DEPTOR: variants seen among roughly 807,000 people sequenced by gnomAD.
The protein encoded by DEPTOR is DEP domain containing MTOR interacting protein.
Under a neutral mutation model 41.6 loss-of-function variants are expected in DEPTOR, and 41 were observed. The observed-to-expected ratio is 0.98, with a 90% CI of 0.77 to 1.28. The LOEUF (loss-of-function observed/expected upper bound fraction) is 1.28. DEPTOR is among the 50% of genes most tolerant of loss of function. The probability of loss-of-function intolerance (pLI) is 0.00; values close to 1 mark genes in which losing one functional copy is unlikely to be tolerated. For synonymous variants in DEPTOR, 195 were observed against 192.3 expected (o/e 1.01, Z -0.12); for missense variants, 514 against 527.9 (o/e 0.97, Z 0.26).
At chr8:119,974,638 G>A (rs1270858198) in intron 4 of DEPTOR, among the ~76,000 whole-genome samples, 1 of 152,118 alleles carries the variant, frequency 6.6e-6, no homozygotes, top group Non-Finnish European at 1.5e-5. Flanking sequence ...CAGGCTTGAT[G>A]GTGTGTGCCT....
rs185746386 is a variant in DEPTOR, at chr8:119,905,546, A to G, written c.123-22854A>G. Reference sequence around the variant, plus strand: ...TAGTCCTGTCGTCTAGTGGTTTTTGATGTTTCTGATGTTTCTGCTTGCCCA... The same window carrying G: ...TAGTCCTGTCGTCTAGTGGTTTTTGGTGTTTCTGATGTTTCTGCTTGCCCA... On this transcript the variant is annotated intron_variant, in intron 1 of 8. Transcript: ENST00000286234. 2.3e-3 allele frequency among the ~76,000 whole-genome samples: 342 copies of G among 151,812 alleles called. 3 individuals are homozygous for G. The highest frequency in any genetic ancestry group is 6.8e-3 in the African/African-American group (283 of 41,396).
rs371123299 is a variant in DEPTOR, at chr8:120,013,143, C to A, written c.1101+4010C>A. ...TTGCACTCCAGCCTGGGTGACAGAG[C>A]GAGACTGTCTCAAAAAGAAAAAAAA... On this transcript the variant is annotated intron_variant, in intron 8 of 8. Transcript: ENST00000286234. 5.9e-5 allele frequency among the ~76,000 whole-genome samples: 8 copies of A among 136,240 alleles called. No individual in the cohort carries two copies. In the South Asian group the frequency reaches 7.4e-4, roughly 13 times the overall value. The allele number at this position is 136,240 out of a possible 152,430, so 89.4% of individuals were successfully genotyped here. A position where few individuals can be genotyped will look rare whatever the true frequency, so the allele number is the denominator to read the frequency against.
At chr8:120,026,142 A>G (rs909843819) in intron 8 of DEPTOR, among the ~76,000 whole-genome samples, 25 of 151,614 alleles carry the variant, frequency 1.6e-4, no homozygotes, top group African/African-American at 5.6e-4. Flanking sequence ...ATGCACCACC[A>G]TGTCCGGCTA....
intron 3 of DEPTOR, among the ~76,000 whole-genome samples, chr8:119,954,845 GGTGTGTGT>G (rs10649943): frequency 2.7e-5 from 4 of 147,946 alleles, no homozygotes; most frequent in Non-Finnish European, 4.5e-5. Context: ...GGCAAATATT[GGTGTGTGT>G]GTGTGTGTGT....
intron 4 of DEPTOR, among the ~76,000 whole-genome samples, chr8:119,993,149 A>G (rs893509955): frequency 3.3e-5 from 5 of 152,326 alleles, no homozygotes; most frequent in Admixed American, 6.5e-5. Context: ...CGTTATCCCC[A>G]GAAAGAAGAA....
intron 4 of DEPTOR, among the ~76,000 whole-genome samples, chr8:119,972,614 C>T (rs1374826372): frequency 1.4e-5 from 2 of 141,380 alleles, no homozygotes; most frequent in African/African-American, 5.3e-5. Context: ...CAGAGTAAGA[C>T]TCTGTCTCAA....
chr8:119,965,778 T>C (rs55753719), intron 4 of DEPTOR, among the ~76,000 whole-genome samples: 2 of 152,122 alleles, frequency 1.3e-5, no homozygotes, highest in Non-Finnish European at 2.9e-5. Flanking sequence ...TAATATGGAG[T>C]TGGGAAGTGG....
intron 8 of DEPTOR, among the ~76,000 whole-genome samples, chr8:120,021,090 G>GAAAT (rs1491268129): frequency 5.4e-5 from 1 of 18,580 alleles, no homozygotes; most frequent in African/African-American, 1.7e-4. Flanking sequence ...AAATAAAATA[G>GAAAT]GGCTGATAAT....
At chr8:120,020,552 CT>C (rs911980755) in intron 8 of DEPTOR, among the ~76,000 whole-genome samples, 6 of 152,116 alleles carry the variant, frequency 3.9e-5, no homozygotes, top group African/African-American at 1.2e-4. Context: ...CCTTCTCATT[CT>C]TTTCATCTGA....
At chr8:120,027,766 G>A (rs1563596565) in intron 8 of DEPTOR, among the ~76,000 whole-genome samples, 1 of 151,848 alleles carries the variant, frequency 6.6e-6, no homozygotes. Context: ...TCAGGTACTG[G>A]GCTGGAATAG....
intron 8 of DEPTOR, among the ~76,000 whole-genome samples, chr8:120,028,987 C>T (rs752078703): frequency 6.6e-6 from 1 of 151,580 alleles, no homozygotes; most frequent in African/African-American, 2.4e-5. Flanking sequence ...ATAGGAAAAT[C>T]GCTTGAACCT....
In DEPTOR at chr8:119,881,958, G is replaced by A. The variant is rs576684434; in HGVS notation, c.122+7990G>A. On this transcript the variant is annotated intron_variant, in intron 1 of 8. Transcript: ENST00000286234. The stretch of plus-strand genomic sequence containing the variant: ...CCAGGTGGTGTGCAGTGGTGCAATC[G>A]CGGCTCACTGCAACCTCTGCCTCCC... 1.1e-4 allele frequency among the ~76,000 whole-genome samples: 16 copies of A among 152,152 alleles called. No homozygotes were observed. The South Asian group carries it at 2.1e-3, about 20-fold the overall frequency.
chr8:119,899,208 A>C (rs908326052), intron 1 of DEPTOR, among the ~76,000 whole-genome samples: 1 of 152,168 alleles, frequency 6.6e-6, no homozygotes, highest in Non-Finnish European at 1.5e-5. Context: ...TGTTAATGTT[A>C]TCAGACTTCC....
chr8:119,940,689 G>A (rs557381317), intron 3 of DEPTOR, among the ~76,000 whole-genome samples: 182 of 152,198 alleles, frequency 1.2e-3, no homozygotes, highest in African/African-American at 4.2e-3. Flanking sequence ...GCAGTGAGCC[G>A]AAATCGCGCC....
chr8:120,042,151 G>A, intron 8 of DEPTOR, among the ~76,000 whole-genome samples: 1 of 151,926 alleles, frequency 6.6e-6, no homozygotes, highest in East Asian at 1.9e-4. Context: ...CCAGTGGGTG[G>A]CATCTAAGTC....
chr8:119,969,262 T>C (rs1328501405), intron 4 of DEPTOR, among the ~76,000 whole-genome samples: 1 of 152,212 alleles, frequency 6.6e-6, no homozygotes, highest in Non-Finnish European at 1.5e-5. Context: ...TCAATTACAG[T>C]GTAACTCTGT....
intron 4 of DEPTOR, among the ~76,000 whole-genome samples, chr8:119,978,040 T>A (rs1028135539): frequency 6.6e-6 from 1 of 152,180 alleles, no homozygotes; most frequent in Admixed American, 6.5e-5. Context: ...GTCCATTGTA[T>A]ATAAACTGCT....
At chr8:120,037,544 G>A (rs1172299303) in intron 8 of DEPTOR, among the ~76,000 whole-genome samples, 1 of 152,124 alleles carries the variant, frequency 6.6e-6, no homozygotes, top group East Asian at 1.9e-4. Flanking sequence ...CATTGTCACC[G>A]TGGGTAATTA....
chr8:119,950,038 G>T (rs1318032593), intron 3 of DEPTOR, among the ~76,000 whole-genome samples: 2 of 152,082 alleles, frequency 1.3e-5, no homozygotes, highest in Non-Finnish European at 2.9e-5. Context: ...ATCTATTTAG[G>T]CTTATTTTTT....
Sources: gnomAD v4.1 joint callset for allele counts (sites outside exome capture counted in the v4.1 genomes callset) on GRCh38, gnomAD v4.1.1 for gene constraint, MANE v1.5 for transcripts, NCBI Gene and HGNC (gene_info 2026-07-23, HGNC 2026-07-21) for gene names.